The following KPNA3 variants were observed in gnomAD, a reference collection of about 807,000 sequenced individuals.
The protein encoded by KPNA3 is importin subunit alpha-4.
In KPNA3, 13 loss-of-function variants were observed where a neutral mutation model predicts 73.8. The observed-to-expected ratio is 0.18, with a 90% CI of 0.11 to 0.28. KPNA3 has a LOEUF of 0.28. KPNA3 is among the 10% of genes least tolerant of loss of function. The probability of loss-of-function intolerance (pLI) is 1.00; values close to 1 mark genes in which losing one functional copy is unlikely to be tolerated. For missense variants in KPNA3, 360 were observed against 618.1 expected, an observed-to-expected ratio of 0.58 and a Z score of 4.43; for synonymous variants, 186 against 206.9, an observed-to-expected ratio of 0.90 and a Z score of 0.87.
chr13:49,704,463 AAATAAATAAATAAATAAAT>A (rs1594427144), intron 15 of KPNA3, among the ~76,000 whole-genome samples: 2 of 148,056 alleles, frequency 1.4e-5, no homozygotes, highest in East Asian at 2.0e-4. Context: ...ATAAATAAAT[AAATAAATAAATAAATAAAT>A]AGAAAGAAAG....
chr13:49,729,574 G>C (rs1280158893), intron 6 of KPNA3, among the ~76,000 whole-genome samples: 2 of 152,120 alleles, frequency 1.3e-5, no homozygotes, highest in Non-Finnish European at 2.9e-5. Context: ...CACAAGGTCA[G>C]GAGATCGAGA....
At chr13:49,748,152 T>C (rs1954634186) in intron 1 of KPNA3, among the ~76,000 whole-genome samples, 1 of 152,220 alleles carries the variant, frequency 6.6e-6, no homozygotes. Context: ...TTCCAATAAA[T>C]TATGGTTTTG....
chr13:49,714,443 A>C (rs1191419685), intron 10 of KPNA3, among the ~76,000 whole-genome samples: 1 of 152,204 alleles, frequency 6.6e-6, no homozygotes, highest in African/African-American at 2.4e-5. Flanking sequence ...CTTTAATGCA[A>C]GTAAACATAG....
chr13:49,701,452 A>G lies in KPNA3; in HGVS notation c.*348T>C. 8.4e-6 allele frequency: 4 copies of G among 478,896 alleles called. No homozygotes were observed. Among genetic ancestry groups the G allele is most frequent in the South Asian group, 6.2e-5 (4 of 64,568 alleles). 29.7% of individuals were successfully genotyped at this position (478,896 alleles called of 1,614,324 possible). On this transcript the variant is annotated 3_prime_UTR_variant, in exon 17 of 17. Transcript: ENST00000261667. The stretch of plus-strand genomic sequence containing the variant: ...CTTGATCCACAGCGCACCATTTTCC[A>G]AAGGAGTATCAGTGGGCAGCTGACA...
At chr13:49,713,643 A>ACACACACACG (rs1418308411) in intron 10 of KPNA3, among the ~76,000 whole-genome samples, 1 of 124,068 alleles carries the variant, frequency 8.1e-6, no homozygotes, top group South Asian at 2.9e-4. Context: ...AAACACACAC[A>ACACACACACG]CACACACACA....
intron 10 of KPNA3, among the ~76,000 whole-genome samples, chr13:49,716,821 C>T (rs1209306270): frequency 2.0e-5 from 3 of 152,178 alleles, no homozygotes; most frequent in Admixed American, 1.3e-4. Context: ...TCCTAAGTTA[C>T]ATTTTTAGCC....
chr13:49,733,178 T>C (rs912716020), intron 2 of KPNA3, 132 bp from the exon 3 acceptor site: 1 of 653,560 alleles, frequency 1.5e-6, no homozygotes, highest in African/African-American at 1.9e-5. Flanking sequence ...ATGAATTAAA[T>C]GTGCATACTG....
At chr13:49,749,261 A>T (rs1230818601) in intron 1 of KPNA3, among the ~76,000 whole-genome samples, 1 of 152,238 alleles carries the variant, frequency 6.6e-6, no homozygotes, top group Admixed American at 6.5e-5. Flanking sequence ...AATGTTTTAA[A>T]CACCCCTAAA....
rs1566330900 is a variant in KPNA3, at chr13:49,704,471, AAATAAATAAAT to A, written c.1372+1139_1372+1149del. ...TAAATAAATAAATAAATAAATAAAT[AAATAAATAAAT>A]AGAAAGAAAGAAATCCTCCCAGTCT... On this transcript the variant is annotated intron_variant, in intron 15 of 16. Coordinates refer to ENST00000261667, the MANE Select transcript of KPNA3 (RefSeq NM_002267.4). Among the ~76,000 whole-genome samples, 66 of 119,022 alleles carry A rather than the reference AAATAAATAAAT, an allele frequency of 5.5e-4. No homozygotes were observed. The East Asian group carries it at 8.4e-3, about 15-fold the overall frequency. The allele number at this position is 119,022 out of a possible 152,430, so 78.1% of individuals were successfully genotyped here.
chr13:49,772,990 G>A (rs535403489), intron 1 of KPNA3, among the ~76,000 whole-genome samples: 6 of 152,106 alleles, frequency 3.9e-5, no homozygotes, highest in East Asian at 3.9e-4. Context: ...AATGGCCAAC[G>A]GTAGGTAAAT....
At chr13:49,747,018 A>G (rs1405080574) in intron 1 of KPNA3, 25 bp from the exon 2 acceptor site, 1 of 1,566,074 alleles carries the variant, frequency 6.4e-7, no homozygotes, top group Non-Finnish European at 8.8e-7. Context: ...CAAAGATTAC[A>G]GATGTATCAA....
intron 6 of KPNA3, among the ~76,000 whole-genome samples, chr13:49,730,118 A>G (rs939872407): frequency 6.6e-6 from 1 of 152,234 alleles, no homozygotes; most frequent in Non-Finnish European, 1.5e-5. Flanking sequence ...TAAGCTGTAT[A>G]TATTTTAGCA....
intron 8 of KPNA3, 93 bp downstream of exon 8, chr13:49,722,384 T>C (rs1954367825): frequency 1.2e-6 from 1 of 833,306 alleles, no homozygotes; most frequent in African/African-American, 1.7e-5. Flanking sequence ...CAACACACAT[T>C]AAATTCAGAG....
At chr13:49,759,836 G>A (rs908288216) in intron 1 of KPNA3, among the ~76,000 whole-genome samples, 2 of 152,204 alleles carry the variant, frequency 1.3e-5, no homozygotes, top group South Asian at 2.1e-4. Flanking sequence ...ACTGGTAGTG[G>A]TCCAGGGTTG....
rs1240245047 is a variant in KPNA3, at chr13:49,761,872, G to A, written c.70-14879C>T. On this transcript the variant is annotated intron_variant, in intron 1 of 16. Transcript: ENST00000261667. ...AGACGCCCCGTCTGGGATGTGAGGA[G>A]CGCCTCTGCCCAGCCACGACTCCGT... is the stretch of plus-strand genomic sequence containing the variant. Among the ~76,000 whole-genome samples the A allele has an allele frequency of 1.4e-4, 21 of 151,420 alleles. 1 individual carries two copies. In the South Asian group the frequency reaches 4.2e-3, roughly 30 times the overall value.
At chr13:49,715,743 C>T (rs76934240) in intron 10 of KPNA3, among the ~76,000 whole-genome samples, 18 of 152,244 alleles carry the variant, frequency 1.2e-4, no homozygotes, top group Non-Finnish European at 2.2e-4. Flanking sequence ...CAGTATGCAA[C>T]GAAATTACAA....
intron 1 of KPNA3, among the ~76,000 whole-genome samples, chr13:49,786,563 A>T (rs1954983986): frequency 6.6e-6 from 1 of 152,166 alleles, no homozygotes; most frequent in South Asian, 2.1e-4. Context: ...TGTTCCAGAG[A>T]TATATGAAGG....
intron 1 of KPNA3, among the ~76,000 whole-genome samples, chr13:49,749,288 GGT>G (rs1323033629): frequency 3.3e-5 from 5 of 152,182 alleles, no homozygotes; most frequent in African/African-American, 1.2e-4. Context: ...TTAGCTCCCA[GGT>G]AGTAAGTGCT....
chr13:49,702,594 C>T (rs564723379), intron 15 of KPNA3, 114 bp from the exon 16 acceptor site: 2 of 556,420 alleles, frequency 3.6e-6, no homozygotes, highest in African/African-American at 4.0e-5. Context: ...ACACTGCTCC[C>T]CCATCTAAGA....
Sources: allele counts gnomAD v4.1 joint callset (sites outside exome capture counted in the v4.1 genomes callset), GRCh38; gene constraint gnomAD v4.1.1; transcripts MANE v1.5; gene names NCBI Gene and HGNC (gene_info 2026-07-23, HGNC 2026-07-21).